ZNHIT6: variants seen among roughly 807,000 people sequenced by gnomAD.
The protein encoded by ZNHIT6 is box C/D snoRNA protein 1.
Under a neutral mutation model 57.2 loss-of-function variants are expected in ZNHIT6, and 45 were observed. That is an observed-to-expected ratio of 0.79 (90% CI 0.62 to 1.01). The LOEUF is 1.01. Among genes scored for constraint, ZNHIT6 ranks in the 50% least tolerant of loss-of-function variants. ZNHIT6 has a pLI of 0.00. For missense variants in ZNHIT6, 528 were observed against 567.3 expected (o/e 0.93, Z 0.70); for synonymous variants, 188 against 190.0 (o/e 0.99, Z 0.09).
Position 85,706,077 on chromosome 1 carries a change from C to T in ZNHIT6, c.915+1G>A. On this transcript the variant is annotated splice_donor_variant, in intron 4 of 9. Coordinates refer to ENST00000370574, the MANE Select transcript of ZNHIT6 (RefSeq NM_017953.4). LOFTEE classifies it high-confidence loss of function. ...TGGAAGAAATTAGGAAAAAATCTTA[C>T]ATATTTATTGCTTATTGGTCTCTTC... The T allele has an allele frequency of 1.2e-6, 2 of 1,601,942 alleles. No individual in the cohort carries two copies. The highest frequency in any genetic ancestry group is 1.7e-6 in the Non-Finnish European group (2 of 1,175,288).
At chr1:85,692,515 A>C (rs1244708232) in intron 5 of ZNHIT6, among the ~76,000 whole-genome samples, 1 of 152,160 alleles carries the variant, frequency 6.6e-6, no homozygotes, top group Non-Finnish European at 1.5e-5. Flanking sequence ...CTATTATGGC[A>C]GAGAAACCAC....
intron 9 of ZNHIT6, among the ~76,000 whole-genome samples, chr1:85,655,963 C>G (rs74097066): frequency 6.6e-6 from 1 of 152,044 alleles, no homozygotes; most frequent in African/African-American, 2.4e-5. Flanking sequence ...CACATGTACC[C>G]CCAAATTAGG....
At chr1:85,692,160 C>T (rs1461866035) in intron 5 of ZNHIT6, among the ~76,000 whole-genome samples, 1 of 152,102 alleles carries the variant, frequency 6.6e-6, no homozygotes, top group African/African-American at 2.4e-5. Context: ...GACACTACAG[C>T]TGATAAATGC....
intron 5 of ZNHIT6, among the ~76,000 whole-genome samples, chr1:85,688,067 A>T (rs1662115700): frequency 6.6e-6 from 1 of 152,010 alleles, no homozygotes; most frequent in Non-Finnish European, 1.5e-5. Flanking sequence ...AGAAATGTCT[A>T]CAGGTTATAA....
At chr1:85,673,093 A>G (rs1661606577) in intron 8 of ZNHIT6, among the ~76,000 whole-genome samples, 1 of 152,152 alleles carries the variant, frequency 6.6e-6, no homozygotes, top group South Asian at 2.1e-4. Context: ...TGAGAATAGA[A>G]AGTTGGTAAG....
At chr1:85,657,996 A>G in intron 8 of ZNHIT6, 25 bp from the exon 9 acceptor site, 1 of 1,368,108 alleles carries the variant, frequency 7.3e-7, no homozygotes. Flanking sequence ...AAAACAAAAA[A>G]CCAGGAAACA....
chr1:85,658,717 C>T (rs1281684239), intron 8 of ZNHIT6, among the ~76,000 whole-genome samples: 1 of 151,568 alleles, frequency 6.6e-6, no homozygotes, highest in Non-Finnish European at 1.5e-5. Flanking sequence ...ACTAAAAATA[C>T]AAAATTAGCT....
chr1:85,702,655 C>T (rs943342677), intron 4 of ZNHIT6, among the ~76,000 whole-genome samples: 18 of 152,186 alleles, frequency 1.2e-4, no homozygotes, highest in Non-Finnish European at 2.4e-4. Context: ...TTTCTTTTAC[C>T]GATGGTTTTA....
intron 4 of ZNHIT6, among the ~76,000 whole-genome samples, chr1:85,703,177 A>T (rs1446628997): frequency 6.6e-6 from 1 of 152,164 alleles, no homozygotes; most frequent in African/African-American, 2.4e-5. Flanking sequence ...TACCTTCAGG[A>T]TAAGGGTGAA....
rs778138594 is a variant in ZNHIT6, at chr1:85,708,314, C to T, written c.-30G>A. The T allele has an allele frequency of 3.8e-6, 6 of 1,563,768 alleles. No homozygotes were observed. The highest frequency in any genetic ancestry group is 5.2e-6 in the Non-Finnish European group (6 of 1,154,504). On this transcript the variant is annotated 5_prime_UTR_variant, in exon 1 of 10. The change creates a new upstream start codon in the 5' untranslated region. Transcript: ENST00000370574. ...TCACGATCCTTGGCCTCTGCTGCCA[C>T]TCTATCCTTCAATGTGGCTGCTGCA... is the stretch of plus-strand genomic sequence containing the variant.
chr1:85,663,646 A>G lies in ZNHIT6; in HGVS notation c.1248-5675T>C, dbSNP rs934832479. ...TATTGCATTCATTGGCACAAGTATC[A>G]TGATAGAAATGTAAAGTGACACTGG... On this transcript the variant is annotated intron_variant, in intron 8 of 9. Coordinates refer to ENST00000370574, the MANE Select transcript of ZNHIT6 (RefSeq NM_017953.4). 2.6e-5 allele frequency among the ~76,000 whole-genome samples: 4 copies of G among 152,204 alleles called. No homozygotes were observed. The South Asian group carries it at 6.2e-4, about 24-fold the overall frequency.
chr1:85,667,791 AGGTGTGGTAGTGTGT>A (rs1225065824), intron 8 of ZNHIT6, among the ~76,000 whole-genome samples: 1 of 149,846 alleles, frequency 6.7e-6, no homozygotes, highest in Non-Finnish European at 1.5e-5. Context: ...AAAATTAGCC[AGGTGTGGTAGTGTGT>A]GCCTGTGATC....
At chr1:85,679,309 TGTTTTAAAACA>T (rs997575551) in intron 6 of ZNHIT6, among the ~76,000 whole-genome samples, 84 of 152,294 alleles carry the variant, frequency 5.5e-4, no homozygotes, top group Middle Eastern at 6.8e-3. Flanking sequence ...ATTAAGACAC[TGTTTTAAAACA>T]GTAACTTTCC....
chr1:85,680,384 T>A (rs1661841061), intron 6 of ZNHIT6, among the ~76,000 whole-genome samples: 2 of 152,136 alleles, frequency 1.3e-5, no homozygotes, highest in Admixed American at 1.3e-4. Context: ...GAATTTTGGG[T>A]CATTTTTCAC....
At chr1:85,703,145 G>T (rs1466009005) in intron 4 of ZNHIT6, among the ~76,000 whole-genome samples, 1 of 152,062 alleles carries the variant, frequency 6.6e-6, no homozygotes, top group Admixed American at 6.6e-5. Context: ...AATTCTAATA[G>T]CAGTGACCAA....
At chr1:85,689,592 T>A (rs1011039571) in intron 5 of ZNHIT6, among the ~76,000 whole-genome samples, 1 of 152,202 alleles carries the variant, frequency 6.6e-6, no homozygotes, top group East Asian at 1.9e-4. Context: ...TATGTGGTAT[T>A]GGCTTTAGTA....
chr1:85,651,084 T>C lies in ZNHIT6; in HGVS notation c.*2974A>G, dbSNP rs1660893302. 6.6e-6 allele frequency: 1 copy of C among 152,172 alleles called. No individual in the cohort carries two copies. The highest frequency in any genetic ancestry group is 2.4e-5 in the African/African-American group (1 of 41,444). The allele number at this position is 152,172 out of a possible 1,614,324, so 9.4% of individuals were successfully genotyped here. On this transcript the variant is annotated 3_prime_UTR_variant, in exon 10 of 10. Coordinates refer to ENST00000370574, the MANE Select transcript of ZNHIT6 (RefSeq NM_017953.4). ...AACACAAAGTATATGTCAACATAAT[T>C]AAACAAAAATGTATAAAGAAAATTG...
Position 85,649,585 on chromosome 1 carries a change from C to G in ZNHIT6, c.*4473G>C, listed in dbSNP as rs574582211. ...TCATGTTATAGGTCATTTTAATGAA[C>G]ACATGCACACACACTTTAGTTTTCA... On this transcript the variant is annotated 3_prime_UTR_variant, in exon 10 of 10. Coordinates refer to ENST00000370574, the MANE Select transcript of ZNHIT6 (RefSeq NM_017953.4). The G allele has an allele frequency of 4.5e-4, 69 of 152,260 alleles. No homozygotes were observed. Among genetic ancestry groups the G allele is most frequent in the African/African-American group, 1.5e-3 (64 of 41,562 alleles). 9.4% of individuals were successfully genotyped at this position (152,260 alleles called of 1,614,324 possible).
intron 8 of ZNHIT6, 26 bp from the exon 9 acceptor site, chr1:85,657,997 C>A (rs1198448823): frequency 1.5e-6 from 2 of 1,362,752 alleles, no homozygotes; most frequent in Admixed American, 2.3e-5. Flanking sequence ...AAACAAAAAA[C>A]CAGGAAACAC....
Sources: allele counts gnomAD v4.1 joint callset (sites outside exome capture counted in the v4.1 genomes callset), GRCh38; gene constraint gnomAD v4.1.1; transcripts MANE v1.5; gene names NCBI Gene and HGNC (gene_info 2026-07-23, HGNC 2026-07-21).